Variants in PRKN observed in about 807,000 individuals in gnomAD.
PRKN encodes E3 ubiquitin-protein ligase parkin.
Under a neutral mutation model 59.5 loss-of-function variants are expected in PRKN, and 56 were observed. The observed-to-expected ratio is 0.94, with a 90% confidence interval of 0.76 to 1.18. The LOEUF is 1.18. Ranked by LOEUF, PRKN falls within the 50% of genes most tolerant of loss-of-function variation. The pLI is 0.00. For missense variants in PRKN, 657 were observed against 596.4 expected (o/e 1.10, Z -1.06); for synonymous variants, 250 against 222.1 (o/e 1.13, Z -1.12).
intron 2 of PRKN, among the ~76,000 whole-genome samples, chr6:162,311,427 A>C (rs527344443): frequency 7.2e-5 from 11 of 151,980 alleles, no homozygotes; most frequent in Non-Finnish European, 1.0e-4. Context: ...TGAAAATAAA[A>C]GTTACTCTAA....
chr6:161,671,609 C>T (rs144644461), intron 7 of PRKN, among the ~76,000 whole-genome samples: 144 of 152,222 alleles, frequency 9.5e-4, no homozygotes, highest in African/African-American at 3.4e-3. Context: ...GGATGGGGGA[C>T]ATGAACTGGC....
At chr6:162,469,350 A>AGGGGGGGGGGGGGGG (rs1425257566) in intron 1 of PRKN, among the ~76,000 whole-genome samples, 2 of 9,490 alleles carry the variant, frequency 2.1e-4, no homozygotes, top group African/African-American at 4.0e-4. Flanking sequence ...GGGGGGTTGC[A>AGGGGGGGGGGGGGGG]GGGGGGGGTG....
chr6:162,703,501 G>A lies in PRKN; in HGVS notation c.7+24161C>T, dbSNP rs557247258. Among the ~76,000 whole-genome samples the A allele has an allele frequency of 6.1e-4, 93 of 152,312 alleles. 3 individuals carry two copies. In the South Asian group the frequency reaches 0.018, roughly 30 times the overall value. ...AACACGGTCTCAGCAGTAGAGCTGT[G>A]CAGTTGAAATGTAACACAAGCCGGC... On this transcript the variant is annotated intron_variant, in intron 1 of 11. Coordinates refer to ENST00000366898, the MANE Select transcript of PRKN (RefSeq NM_004562.3).
At chr6:162,571,262 T>A (rs4709639) in intron 1 of PRKN, 46,260 of 150,404 alleles carry the variant, frequency 0.31, 7,549 homozygotes, top group East Asian at 0.49. Context: ...GAGGCAGAGG[T>A]TGCAGTGAGC....
At chr6:161,516,309 C>T (rs181641181) in intron 9 of PRKN, among the ~76,000 whole-genome samples, 6 of 150,918 alleles carry the variant, frequency 4.0e-5, no homozygotes, top group Admixed American at 6.6e-5. Flanking sequence ...CAAAAACAAT[C>T]CGCAAAAATT....
intron 1 of PRKN, chr6:162,569,289 T>G: frequency 1.7e-6 from 1 of 601,282 alleles, no homozygotes; most frequent in Admixed American, 2.0e-5. Context: ...ATCGCAGATG[T>G]CAAGCAGCGT....
At chr6:162,516,044 C>T (rs370602324) in intron 1 of PRKN, among the ~76,000 whole-genome samples, 9 of 152,316 alleles carry the variant, frequency 5.9e-5, no homozygotes, top group Non-Finnish European at 8.8e-5. Context: ...TGCTTCTTTG[C>T]GCTAATGCAG....
At chr6:162,198,296 G>C (rs546243181) in intron 4 of PRKN, among the ~76,000 whole-genome samples, 1 of 152,004 alleles carries the variant, frequency 6.6e-6, no homozygotes, top group Non-Finnish European at 1.5e-5. Context: ...ATCCCTCCCA[G>C]GATGCTGGGC....
chr6:162,223,612 G>GACACACACAC (rs34881644), intron 3 of PRKN, among the ~76,000 whole-genome samples: 12 of 129,246 alleles, frequency 9.3e-5, no homozygotes, highest in African/African-American at 2.9e-4. Flanking sequence ...ATAGACACGT[G>GACACACACAC]ACACACACAC....
chr6:161,833,094 C>T (rs983349962), intron 6 of PRKN, among the ~76,000 whole-genome samples: 1 of 152,174 alleles, frequency 6.6e-6, no homozygotes, highest in Non-Finnish European at 1.5e-5. Context: ...GCAACGTCTA[C>T]TGTGTGCTAT....
At chr6:162,172,121 G>A (rs1783308760) in intron 4 of PRKN, among the ~76,000 whole-genome samples, 1 of 152,218 alleles carries the variant, frequency 6.6e-6, no homozygotes, top group African/African-American at 2.4e-5. Flanking sequence ...CAGAGTAAGT[G>A]ATAGAACTGA....
chr6:162,285,288 T>C, intron 2 of PRKN, among the ~76,000 whole-genome samples: 1 of 149,788 alleles, frequency 6.7e-6, no homozygotes, highest in East Asian at 2.0e-4. Context: ...TTTTTTTTTT[T>C]TTTCCGAGAG....
intron 1 of PRKN, among the ~76,000 whole-genome samples, chr6:162,556,342 GGTGTGTGT>G (rs202002846): frequency 4.1e-3 from 236 of 57,254 alleles, no homozygotes; most frequent in African/African-American, 8.5e-3. Flanking sequence ...CTACTCAGCT[GGTGTGTGT>G]GTGTGTGTGT....
intron 9 of PRKN, among the ~76,000 whole-genome samples, chr6:161,450,934 C>T (rs1313816839): frequency 6.6e-6 from 1 of 152,132 alleles, no homozygotes; most frequent in Non-Finnish European, 1.5e-5. Context: ...AATTGTGTTA[C>T]TTGCCACACA....
rs576514116 is a variant in PRKN, at chr6:162,415,595, A to G, written c.171+27715T>C. ...AGCACTTTGGGAGGGTGAAGCGGGT[A>G]GGTCACAAGGTCAACAGATCATGAC... On this transcript the variant is annotated intron_variant, in intron 2 of 11. Transcript: ENST00000366898. 1.3e-4 allele frequency among the ~76,000 whole-genome samples: 20 copies of G among 152,232 alleles called. 1 individual carries two copies. In the South Asian group the frequency reaches 4.1e-3, roughly 32 times the overall value.
chr6:162,296,578 T>A (rs1200600794), intron 2 of PRKN, among the ~76,000 whole-genome samples: 1 of 152,116 alleles, frequency 6.6e-6, no homozygotes, highest in East Asian at 1.9e-4. Context: ...TATCTATCCA[T>A]TCTTTTGCCA....
intron 3 of PRKN, among the ~76,000 whole-genome samples, chr6:162,225,000 T>C (rs1298207740): frequency 6.6e-6 from 1 of 152,140 alleles, no homozygotes; most frequent in Non-Finnish European, 1.5e-5. Context: ...GTTATAACAG[T>C]ATACCTGAGA....
chr6:161,535,565 C>T (rs1171552837), intron 9 of PRKN, among the ~76,000 whole-genome samples: 1 of 152,210 alleles, frequency 6.6e-6, no homozygotes, highest in African/African-American at 2.4e-5. Context: ...CTGGGCACAT[C>T]GCACCCCGAA....
intron 2 of PRKN, among the ~76,000 whole-genome samples, chr6:162,319,115 AT>A (rs535499793): frequency 6.6e-6 from 1 of 151,970 alleles, no homozygotes; most frequent in South Asian, 2.1e-4. Flanking sequence ...TCACAAATTG[AT>A]TTTTTTATAA....
Sources: gnomAD v4.1 joint callset for allele counts (sites outside exome capture counted in the v4.1 genomes callset) on GRCh38, gnomAD v4.1.1 for gene constraint, MANE v1.5 for transcripts, NCBI Gene and HGNC (gene_info 2026-07-23, HGNC 2026-07-21) for gene names.